NARF: variants seen among roughly 807,000 people sequenced by gnomAD.
The protein encoded by NARF is nuclear prelamin A recognition factor.
In NARF, 41 loss-of-function variants were observed where a neutral mutation model predicts 48.0. The ratio of observed to expected loss-of-function variants is 0.85; its 90% CI spans 0.66 to 1.11. NARF has a LOEUF of 1.11. Among genes scored for constraint, NARF ranks in the 50% least tolerant of loss-of-function variants. NARF has a pLI of 0.00. For missense variants in NARF, 613 were observed against 590.2 expected (o/e 1.04, Z -0.40); for synonymous variants, 215 against 225.5 (o/e 0.95, Z 0.42).
intron 4 of NARF, 99 bp downstream of exon 4, chr17:82,468,995 G>A: frequency 7.4e-7 from 1 of 1,358,852 alleles, no homozygotes; most frequent in South Asian, 1.3e-5. Flanking sequence ...GGGTAGATAA[G>A]CAACTTCCAA....
At chr17:82,471,127 A>G (rs2043689685) in intron 4 of NARF, among the ~76,000 whole-genome samples, 1 of 150,240 alleles carries the variant, frequency 6.7e-6, no homozygotes. Flanking sequence ...TTGCGTCACC[A>G]CACTCCAGCC....
At chr17:82,468,128 G>T (rs1478484304) in intron 3 of NARF, among the ~76,000 whole-genome samples, 1 of 151,904 alleles carries the variant, frequency 6.6e-6, no homozygotes, top group African/African-American at 2.4e-5. Flanking sequence ...TGCCCAATAT[G>T]GCAAAACCCC....
In NARF at chr17:82,478,844, G is replaced by A. The variant is rs1351131947; in HGVS notation, c.565G>A (p.Ala189Thr). 1 of 1,613,926 alleles carries A rather than the reference G, an allele frequency of 6.2e-7. No individual in the cohort carries two copies. The change falls in exon 6 of 11, where the codon GCC becomes ACC. Residue 189 changes from alanine to threonine, a missense_variant. Ala to Thr is a moderately conservative substitution (Grantham distance 58). Coordinates refer to ENST00000309794, the MANE Select transcript of NARF (RefSeq NM_012336.4). ...GCGGGTGCTGGGTCGCCCCATCACT[G>A]CCCACCTCTGCACCGCCAAGTCCCC... ...AERVLGRPIT[A>T]HLCTAKSPQQ...
chr17:82,464,371 G>A lies in NARF; in HGVS notation c.193G>A (p.Gly65Arg). The stretch of plus-strand genomic sequence containing the variant: ...TGACAGCTGTATGACTGCAGAGGAA[G>A]GAGTCCAACTTTCCCAGCAAAATGC... The part of the protein sequence containing the change: ...ACDSCMTAEE[G>R]VQLSQQNAKD... The change falls in exon 3 of 11, where the codon GGA becomes AGA. Residue 65 changes from glycine (G) to arginine (R), a missense_variant. Coordinates refer to ENST00000309794, the MANE Select transcript of NARF (RefSeq NM_012336.4). The A allele has an allele frequency of 1.4e-5, 22 of 1,614,116 alleles. No homozygotes were observed. The highest frequency in any genetic ancestry group is 1.8e-5 in the Non-Finnish European group (21 of 1,179,966).
intron 9 of NARF, among the ~76,000 whole-genome samples, chr17:82,485,217 C>A (rs955996417): frequency 4.6e-5 from 7 of 152,098 alleles, no homozygotes; most frequent in African/African-American, 1.4e-4. Flanking sequence ...GTCAGGAGAT[C>A]GAGACCATCC....
intron 6 of NARF, among the ~76,000 whole-genome samples, chr17:82,479,640 C>T (rs4789779): frequency 2.0e-5 from 3 of 152,230 alleles, no homozygotes; most frequent in Admixed American, 2.0e-4. Context: ...TTACACCTCC[C>T]TCCGGGGAAG....
chr17:82,459,168 G>T, intron 1 of NARF: 1 of 1,109,638 alleles, frequency 9.0e-7, no homozygotes, highest in Non-Finnish European at 1.1e-6. Flanking sequence ...GTTTCGAGAG[G>T]GTTTTAGGCG....
chr17:82,485,197 G>A lies in NARF; in HGVS notation c.971+247G>A, dbSNP rs553219518. Among the ~76,000 whole-genome samples the A allele has an allele frequency of 1.1e-4, 16 of 152,278 alleles. No homozygotes were observed. In the South Asian group the frequency reaches 2.9e-3, roughly 28 times the overall value. ...AGCACTCTGGGAGGCCGAGGCGGGC[G>A]GATCATGAGGTCAGGAGATCGAGAC... On this transcript the variant is annotated intron_variant, in intron 9 of 10. Transcript: ENST00000309794.
At chr17:82,483,965 C>CAGCTAT in intron 8 of NARF, 186 bp downstream of exon 8, 2 of 560,674 alleles carry the variant, frequency 3.6e-6, no homozygotes, top group Non-Finnish European at 6.3e-6. Flanking sequence ...TACCATTCAC[C>CAGCTAT]AGGGCTGCCA....
intron 4 of NARF, among the ~76,000 whole-genome samples, chr17:82,469,850 C>T (rs540072264): frequency 1.1e-3 from 175 of 152,180 alleles, no homozygotes; most frequent in Non-Finnish European, 1.8e-3. Context: ...GTGATCCACC[C>T]GCCTTGGCCT....
intron 6 of NARF, 125 bp from the exon 7 acceptor site, chr17:82,480,957 G>A: frequency 1.9e-6 from 2 of 1,026,268 alleles, no homozygotes; most frequent in Non-Finnish European, 2.8e-6. Context: ...AAAGAGTGCA[G>A]CATGCAGTGT....
At chr17:82,486,381 G>A (rs558398612) in intron 10 of NARF, among the ~76,000 whole-genome samples, 8 of 152,328 alleles carry the variant, frequency 5.3e-5, no homozygotes, top group African/African-American at 1.9e-4. Flanking sequence ...AATGCCGGGT[G>A]CAGGTCAGTT....
intron 2 of NARF, among the ~76,000 whole-genome samples, chr17:82,461,602 C>T (rs2043440107): frequency 6.6e-6 from 1 of 152,164 alleles, no homozygotes; most frequent in Admixed American, 6.5e-5. Context: ...CAGAGTGAGA[C>T]TCCGTCTCAA....
At chr17:82,481,328 C>A in intron 7 of NARF, 117 bp downstream of exon 7, 1 of 1,487,450 alleles carries the variant, frequency 6.7e-7, no homozygotes, top group Non-Finnish European at 9.1e-7. Flanking sequence ...AATGTGGTCG[C>A]TTGTCTGAAG....
intron 3 of NARF, among the ~76,000 whole-genome samples, chr17:82,466,865 A>G: frequency 6.7e-6 from 1 of 149,750 alleles, no homozygotes; most frequent in Non-Finnish European, 1.5e-5. Context: ...ATGTGCATCC[A>G]TTTGTTTCTT....
At chr17:82,484,025 C>T in intron 8 of NARF, 1 of 492,696 alleles carries the variant, frequency 2.0e-6, no homozygotes, top group Middle Eastern at 5.5e-4. Flanking sequence ...CACCCTAAAC[C>T]CTTGAGGAAG....
intron 3 of NARF, among the ~76,000 whole-genome samples, chr17:82,465,370 T>C (rs1431457097): frequency 1.3e-5 from 2 of 152,198 alleles, no homozygotes; most frequent in Non-Finnish European, 2.9e-5. Flanking sequence ...GTTTCCATGC[T>C]GTCACCTCCA....
At chr17:82,468,236 G>T (rs557733391) in intron 3 of NARF, among the ~76,000 whole-genome samples, 1 of 152,104 alleles carries the variant, frequency 6.6e-6, no homozygotes, top group East Asian at 1.9e-4. Flanking sequence ...ACTTGAACCT[G>T]GGAGGCAGAA....
intron 3 of NARF, 98 bp downstream of exon 3, chr17:82,464,528 G>A (rs908543651): frequency 1.3e-5 from 19 of 1,412,492 alleles, no homozygotes; most frequent in Admixed American, 9.8e-5. Flanking sequence ...CTGGGACATC[G>A]GATGCACATC....
Sources: allele counts gnomAD v4.1 joint callset (sites outside exome capture counted in the v4.1 genomes callset), GRCh38; gene constraint gnomAD v4.1.1; transcripts MANE v1.5; gene names NCBI Gene and HGNC (gene_info 2026-07-23, HGNC 2026-07-21).